The following NELL1 variants were observed in gnomAD, a reference collection of about 807,000 sequenced individuals.
NELL1 encodes protein kinase C-binding protein NELL1.
Under a neutral mutation model 107.4 loss-of-function variants are expected in NELL1, and 76 were observed. The ratio of observed to expected loss-of-function variants is 0.71; its 90% CI spans 0.59 to 0.86. The LOEUF (loss-of-function observed/expected upper bound fraction) is 0.86. NELL1 is among the 40% of genes least tolerant of loss of function. NELL1 has a pLI of 0.00. For missense variants in NELL1, 1,024 were observed against 1,005.5 expected, an observed-to-expected ratio of 1.02 and a Z score of -0.25; for synonymous variants, 353 against 341.2, an observed-to-expected ratio of 1.03 and a Z score of -0.38.
intron 12 of NELL1, among the ~76,000 whole-genome samples, chr11:21,067,086 A>G (rs1853893493): frequency 6.6e-6 from 1 of 152,074 alleles, no homozygotes; most frequent in Non-Finnish European, 1.5e-5. Context: ...TCCTTCCTAT[A>G]TTGCTATTTC....
chr11:21,393,134 G>C (rs1851915220), intron 15 of NELL1, among the ~76,000 whole-genome samples: 1 of 151,634 alleles, frequency 6.6e-6, no homozygotes, highest in Non-Finnish European at 1.5e-5. Context: ...ATGGTAAAGG[G>C]AAATATAGTG....
intron 12 of NELL1, among the ~76,000 whole-genome samples, chr11:21,086,047 C>T (rs999905300): frequency 3.3e-5 from 5 of 152,162 alleles, no homozygotes; most frequent in African/African-American, 1.2e-4. Flanking sequence ...GCAATAGGTA[C>T]TTAGTAACTG....
At chr11:21,370,785 C>G in intron 14 of NELL1, 68 bp from the exon 15 acceptor site, 1 of 1,217,320 alleles carries the variant, frequency 8.2e-7, no homozygotes, top group African/African-American at 1.5e-5. Context: ...CTTCAGTGCT[C>G]CTGCTGTTTA....
intron 12 of NELL1, among the ~76,000 whole-genome samples, chr11:21,048,392 C>A (rs889045610): frequency 6.6e-6 from 1 of 152,078 alleles, no homozygotes; most frequent in Non-Finnish European, 1.5e-5. Context: ...GTTTTTCATA[C>A]CTTTGGGTCT....
intron 15 of NELL1, among the ~76,000 whole-genome samples, chr11:21,429,528 C>A (rs1354453635): frequency 1.3e-5 from 2 of 152,184 alleles, no homozygotes; most frequent in African/African-American, 4.8e-5. Flanking sequence ...AAACACCCCA[C>A]CTTCAATGCA....
At chr11:21,336,579 T>A (rs1850400736) in intron 14 of NELL1, among the ~76,000 whole-genome samples, 1 of 151,586 alleles carries the variant, frequency 6.6e-6, no homozygotes, top group African/African-American at 2.4e-5. Context: ...AGACAAAGGC[T>A]ACACTAGAAT....
At chr11:20,929,650 C>G (rs887343819) in intron 9 of NELL1, among the ~76,000 whole-genome samples, 8 of 152,054 alleles carry the variant, frequency 5.3e-5, no homozygotes, top group Non-Finnish European at 1.0e-4. Flanking sequence ...TGTTTTTATT[C>G]TTGACATTCT....
At position 21,573,293 on chromosome 11, in the gene NELL1, G is replaced by A; in HGVS notation, c.2266G>A (p.Ala756Thr). 1 of 1,612,532 alleles carries A rather than the reference G, an allele frequency of 6.2e-7. No individual in the cohort carries two copies. The highest frequency in any genetic ancestry group is 8.5e-7 in the Non-Finnish European group (1 of 1,179,064). ...CCGCTGTGTCAGTGACCCCTGCCTA[G>A]CTGATAACATCACCTATGACATCAG... ...CPRCVSDPCL[A>T]DNITYDIRKT... The change falls in exon 19 of 20, where the codon GCT (alanine) becomes ACT (threonine). Residue 756 changes from alanine to threonine, a missense_variant. Coordinates refer to ENST00000357134, the MANE Select transcript of NELL1 (RefSeq NM_006157.5).
intron 2 of NELL1, among the ~76,000 whole-genome samples, chr11:20,698,829 ATAT>A (rs1244427755): frequency 6.6e-6 from 1 of 152,148 alleles, no homozygotes; most frequent in Non-Finnish European, 1.5e-5. Flanking sequence ...GAAGTCCATT[ATAT>A]TATTCTTTTC....
intron 17 of NELL1, among the ~76,000 whole-genome samples, chr11:21,566,624 G>A (rs1024793542): frequency 2.0e-4 from 30 of 151,852 alleles, no homozygotes; most frequent in African/African-American, 7.0e-4. Context: ...ATATAAGTAG[G>A]GATTGTTCAA....
In NELL1 at chr11:21,518,999, G is replaced by T. The variant is rs138724894; in HGVS notation, c.1646-15375G>T. On this transcript the variant is annotated intron_variant, in intron 15 of 19. Coordinates refer to ENST00000357134, the MANE Select transcript of NELL1 (RefSeq NM_006157.5). ...TCCAGGGTTGGTTCAGCAGCTCAAT[G>T]ACATCAAAGGCCTAGTTTGGTATTT... 2.5e-3 allele frequency among the ~76,000 whole-genome samples: 383 copies of T among 152,234 alleles called. 1 individual carries two copies. The highest frequency in any genetic ancestry group is 6.8e-3 in the Middle Eastern group (2 of 294).
intron 2 of NELL1, among the ~76,000 whole-genome samples, chr11:20,690,450 A>C (rs12790011): frequency 0.39 from 58,426 of 148,190 alleles, 13,271 homozygotes; most frequent in African/African-American, 0.64. Context: ...ATCTTGAATT[A>C]ATTTTTGTAT....
chr11:21,080,983 G>A (rs1258756738), intron 12 of NELL1, among the ~76,000 whole-genome samples: 1 of 151,330 alleles, frequency 6.6e-6, no homozygotes, highest in Non-Finnish European at 1.5e-5. Flanking sequence ...TTTTAAACAG[G>A]ATCTTGCTCT....
intron 13 of NELL1, among the ~76,000 whole-genome samples, chr11:21,214,699 G>T (rs1857575923): frequency 7.0e-6 from 1 of 143,110 alleles, no homozygotes; most frequent in Non-Finnish European, 1.5e-5. Context: ...ATTTATCCTA[G>T]AAATGTAAAA....
chr11:20,956,774 C>T (rs778683025), intron 11 of NELL1, among the ~76,000 whole-genome samples: 5 of 152,106 alleles, frequency 3.3e-5, no homozygotes, highest in Non-Finnish European at 7.4e-5. Flanking sequence ...CTTCTAGATC[C>T]ATTGTTTTCT....
chr11:20,953,703 A>G (rs1436877055), intron 11 of NELL1, among the ~76,000 whole-genome samples: 2 of 152,182 alleles, frequency 1.3e-5, no homozygotes, highest in East Asian at 3.9e-4. Flanking sequence ...CTTTGTACAT[A>G]TCACGGGCCC....
At chr11:20,935,170 G>T (rs1669452900) in intron 9 of NELL1, among the ~76,000 whole-genome samples, 1 of 152,184 alleles carries the variant, frequency 6.6e-6, no homozygotes, top group African/African-American at 2.4e-5. Context: ...GCAATTAGCA[G>T]CAGGGACATG....
At chr11:20,914,404 G>T (rs1386698715) in intron 5 of NELL1, among the ~76,000 whole-genome samples, 1 of 152,080 alleles carries the variant, frequency 6.6e-6, no homozygotes, top group Admixed American at 6.6e-5. Context: ...AAATTTTTCT[G>T]ATCGGCTATT....
At chr11:20,886,739 G>A (rs1342469291) in intron 5 of NELL1, among the ~76,000 whole-genome samples, 3 of 152,138 alleles carry the variant, frequency 2.0e-5, no homozygotes, top group Non-Finnish European at 4.4e-5. Context: ...TGTAAATGAC[G>A]GGTTGATGGG....
Sources: gnomAD v4.1 joint callset for allele counts (sites outside exome capture counted in the v4.1 genomes callset) on GRCh38, gnomAD v4.1.1 for gene constraint, MANE v1.5 for transcripts, NCBI Gene and HGNC (gene_info 2026-07-23, HGNC 2026-07-21) for gene names.